Variants in ANKRD13C observed in about 807,000 individuals in gnomAD.
ANKRD13C encodes ankyrin repeat domain 13C.
A neutral mutation model predicts 65.5 loss-of-function variants in ANKRD13C; 16 were observed. The observed-to-expected ratio is 0.24, with a 90% confidence interval of 0.17 to 0.37. ANKRD13C has a LOEUF of 0.37. Among genes scored for constraint, ANKRD13C ranks in the 10% least tolerant of loss-of-function variants. ANKRD13C has a pLI of 1.00. For synonymous variants in ANKRD13C, 235 were observed against 238.7 expected, an observed-to-expected ratio of 0.98 and a Z score of 0.14; for missense variants, 503 against 655.9, an observed-to-expected ratio of 0.77 and a Z score of 2.55.
At chr1:70,288,515 A>G (rs1467575081) in intron 9 of ANKRD13C, among the ~76,000 whole-genome samples, 1 of 152,232 alleles carries the variant, frequency 6.6e-6, no homozygotes, top group African/African-American at 2.4e-5. Flanking sequence ...ATGGTTAAAC[A>G]AACTGTGGTA....
In ANKRD13C at chr1:70,319,607, C is replaced by CAAAAA. The variant is rs1180827448; in HGVS notation, c.578-4046_578-4042dup. Among the ~76,000 whole-genome samples, 193 of 121,166 alleles carry CAAAAA rather than the reference C, an allele frequency of 1.6e-3. 1 individual carries two copies. The highest frequency in any genetic ancestry group is 5.6e-3 in the African/African-American group (174 of 31,182). The allele number at this position is 121,166 out of a possible 152,430, so 79.5% of individuals were successfully genotyped here. ...GAGCAACAAGAGGGAAACTCCATCT[C>CAAAAA]AAAAAAAAAAAGAAACCAAATACAT... On this transcript the variant is annotated intron_variant, in intron 3 of 12. Transcript: ENST00000370944.
intron 5 of ANKRD13C, among the ~76,000 whole-genome samples, chr1:70,311,322 G>A (rs945709107): frequency 6.6e-6 from 1 of 151,958 alleles, no homozygotes; most frequent in Non-Finnish European, 1.5e-5. Context: ...GTGAAAACTT[G>A]TCTCTACTAA....
At chr1:70,322,232 C>CA (rs890552961) in intron 3 of ANKRD13C, among the ~76,000 whole-genome samples, 7 of 150,724 alleles carry the variant, frequency 4.6e-5, no homozygotes. Context: ...AACTCGGTCT[C>CA]AAAAAAAATA....
Position 70,296,267 on chromosome 1 carries a change from A to T in ANKRD13C, c.922-6T>A. ...TCTGTTTCCATCTCTGATTCCTGGG[A>T]TGTGAGCAAAAGTTAAATATAAAAA... On this transcript the variant is annotated splice_polypyrimidine_tract_variant and splice_region_variant and intron_variant, in intron 7 of 12. Transcript: ENST00000370944. 2 of 1,608,672 alleles carry T rather than the reference A, an allele frequency of 1.2e-6. No individual in the cohort carries two copies. Among genetic ancestry groups the T allele is most frequent in the Non-Finnish European group, 1.7e-6 (2 of 1,178,438 alleles).
intron 1 of ANKRD13C, among the ~76,000 whole-genome samples, chr1:70,341,357 TTG>T (rs1019901057): frequency 5.5e-5 from 8 of 146,566 alleles, no homozygotes; most frequent in African/African-American, 1.8e-4. Flanking sequence ...TACCATCTTT[TTG>T]TGTGTTTTTT....
intron 7 of ANKRD13C, among the ~76,000 whole-genome samples, chr1:70,298,550 C>A (rs1252387887): frequency 1.3e-5 from 2 of 151,210 alleles, no homozygotes; most frequent in Admixed American, 6.6e-5. Flanking sequence ...AAAACTGGTA[C>A]CCTTAATACC....
intron 8 of ANKRD13C, among the ~76,000 whole-genome samples, chr1:70,294,563 G>A (rs1201926833): frequency 2.0e-5 from 3 of 151,520 alleles, no homozygotes; most frequent in South Asian, 2.1e-4. Context: ...AAAAAAAAAA[G>A]CAATTCTGCC....
intron 1 of ANKRD13C, among the ~76,000 whole-genome samples, chr1:70,338,110 A>G (rs1027836208): frequency 6.6e-6 from 1 of 152,170 alleles, no homozygotes; most frequent in Admixed American, 6.5e-5. Flanking sequence ...ACAAAAAAAA[A>G]AGAAAAGCAT....
chr1:70,344,863 T>C (rs554739122), intron 1 of ANKRD13C, among the ~76,000 whole-genome samples: 17 of 152,176 alleles, frequency 1.1e-4, no homozygotes, highest in African/African-American at 4.1e-4. Context: ...GTATTAATTT[T>C]AGAACTATAA....
At chr1:70,308,986 G>C (rs564685202) in intron 5 of ANKRD13C, among the ~76,000 whole-genome samples, 1 of 151,202 alleles carries the variant, frequency 6.6e-6, no homozygotes, top group Non-Finnish European at 1.5e-5. Context: ...AAAATAAAAA[G>C]AGAGTTTTTA....
At chr1:70,306,200 G>T in intron 6 of ANKRD13C, 24 bp downstream of exon 6, 1 of 1,489,254 alleles carries the variant, frequency 6.7e-7, no homozygotes, top group South Asian at 1.4e-5. Context: ...TTCTTTTACT[G>T]AGAAAAAAAT....
At chr1:70,266,131 T>A (rs1042492137) in intron 12 of ANKRD13C, among the ~76,000 whole-genome samples, 2 of 152,200 alleles carry the variant, frequency 1.3e-5, no homozygotes, top group African/African-American at 2.4e-5. Flanking sequence ...ATAGCCACAA[T>A]TGCTTCTCTT....
At chr1:70,289,817 C>T (rs1235919014) in intron 9 of ANKRD13C, among the ~76,000 whole-genome samples, 2 of 152,054 alleles carry the variant, frequency 1.3e-5, no homozygotes, top group Admixed American at 6.6e-5. Context: ...TAACCACCAA[C>T]ACAACAAAAT....
rs1180268768 is a variant in ANKRD13C at position 70,307,412 on chromosome 1, C to CAAAT, written c.710-1126_710-1123dup. ...ATTAGCCAGTCTCATAAACCAGTCT[C>CAAAT]AAATAAATAAATAAACAAATAAAAT... On this transcript the variant is annotated intron_variant, in intron 5 of 12. Transcript: ENST00000370944. Among the ~76,000 whole-genome samples the CAAAT allele has an allele frequency of 4.6e-5, 7 of 151,754 alleles. No individual in the cohort carries two copies. In the South Asian group the frequency reaches 1.5e-3, roughly 32 times the overall value.
intron 9 of ANKRD13C, among the ~76,000 whole-genome samples, chr1:70,277,981 A>G (rs1679211998): frequency 1.3e-5 from 2 of 150,862 alleles, no homozygotes; most frequent in African/African-American, 4.9e-5. Flanking sequence ...TGAGCCCATG[A>G]GTTTGAGACC....
intron 1 of ANKRD13C, among the ~76,000 whole-genome samples, chr1:70,343,808 G>T (rs1682413044): frequency 6.6e-6 from 1 of 152,146 alleles, no homozygotes; most frequent in Non-Finnish European, 1.5e-5. Flanking sequence ...AAAGTGCTGG[G>T]ATTACAGGCA....
At chr1:70,313,627 A>G (rs948555608) in intron 5 of ANKRD13C, 118 bp downstream of exon 5, 8 of 732,976 alleles carry the variant, frequency 1.1e-5, no homozygotes, top group Non-Finnish European at 1.8e-5. Context: ...CATGAAAAAT[A>G]CTTTTCCTCA....
Position 70,292,511 on chromosome 1 carries a change from C to A in ANKRD13C, c.1092G>T (p.Val364=). The A allele has an allele frequency of 6.2e-7, 1 of 1,604,382 alleles. No individual in the cohort carries two copies. Among genetic ancestry groups the A allele is most frequent in the South Asian group, 1.1e-5 (1 of 88,228 alleles). The change falls in exon 9 of 13, where the codon GTG becomes GTT. Residue 364 remains valine (V), a synonymous_variant. Coordinates refer to ENST00000370944, the MANE Select transcript of ANKRD13C (RefSeq NM_030816.5). ...TCCTTGATTCTAAAACAAGTCCATT[C>A]ACCAGGTAAAAGTCTGCCAAAAAGT... ...VGNFLADFYL[V]NGLVLESRKR... is the part of the protein sequence containing the mutation.
At chr1:70,326,155 C>G (rs1311462683) in intron 2 of ANKRD13C, among the ~76,000 whole-genome samples, 3 of 137,240 alleles carry the variant, frequency 2.2e-5, no homozygotes. Context: ...CGCTTGAACC[C>G]GGGAGGTGGA....
Sources: allele counts gnomAD v4.1 joint callset (sites outside exome capture counted in the v4.1 genomes callset), GRCh38; gene constraint gnomAD v4.1.1; transcripts MANE v1.5; gene names NCBI Gene and HGNC (gene_info 2026-07-23, HGNC 2026-07-21).